DENND4C: variants seen among roughly 807,000 people sequenced by gnomAD.
DENND4C encodes DENN domain-containing protein 4C.
In DENND4C, 108 loss-of-function variants were observed where a neutral mutation model predicts 203.0. The ratio of observed to expected loss-of-function variants is 0.53; its 90% CI spans 0.46 to 0.62. DENND4C has a LOEUF of 0.62. Among genes scored for constraint, DENND4C ranks in the 20% least tolerant of loss-of-function variants. DENND4C has a pLI of 0.00. For missense variants in DENND4C, 2,481 were observed against 2,301.2 expected (o/e 1.08, Z -1.60); for synonymous variants, 871 against 792.4 (o/e 1.10, Z -1.67).
chr9:19,345,545 T>C (rs2131991960), intron 22 of DENND4C, among the ~76,000 whole-genome samples: 1 of 152,378 alleles, frequency 6.6e-6, no homozygotes, highest in South Asian at 2.1e-4. Flanking sequence ...AATTTGCTTT[T>C]TGCAGAGTAG....
rs780041574 is a variant in DENND4C, at chr9:19,296,117, C to T, written c.911C>T (p.Ser304Phe). 4.3e-6 allele frequency: 7 copies of T among 1,613,952 alleles called. No homozygotes were observed. Among genetic ancestry groups the T allele is most frequent in the Non-Finnish European group, 4.2e-6 (5 of 1,179,960 alleles). ...ACGCCTGTGGAGAGAAAAATGGTCT[C>T]CAAATCCATCAATACAAACAAATGC... ...LLTPVERKMV[S>F]KSINTNKCIC... The change falls in exon 6 of 33, where the codon TCC (serine) becomes TTC (phenylalanine). Residue 304 changes from serine to phenylalanine, a missense_variant. Physicochemically the swap from Ser to Phe is radical, Grantham distance 155. Transcript: ENST00000434457.
At chr9:19,323,784 T>C (rs1843279984) in intron 12 of DENND4C, among the ~76,000 whole-genome samples, 1 of 152,214 alleles carries the variant, frequency 6.6e-6, no homozygotes, top group Non-Finnish European at 1.5e-5. Context: ...GTTGTAGAGC[T>C]GGAGGTTCCT....
In DENND4C at chr9:19,328,109, A is replaced by C. The variant is rs780437786; in HGVS notation, c.2200A>C (p.Thr734Pro). 3.1e-6 allele frequency: 5 copies of C among 1,613,764 alleles called. No individual in the cohort carries two copies. The Admixed American group carries it at 8.3e-5, about 27-fold the overall frequency. ...GAAACTTTGTTTTAGTAGACACCCT[A>C]CTGGGAATAGCATTACAAAGAGTCC... is the stretch of plus-strand genomic sequence containing the variant. ...ELKLCFSRHP[T>P]GNSITKSPPL... Residue 734 changes from threonine to proline, a missense_variant, in exon 16 of 33, where the codon ACT (threonine) becomes CCT (proline). By Grantham distance (38) the Thr-to-Pro change is conservative (BLOSUM62 -1). Coordinates refer to ENST00000434457, the MANE Select transcript of DENND4C (RefSeq NM_001330640.2).
intron 23 of DENND4C, 71 bp downstream of exon 23, chr9:19,347,157 AT>A (rs1188023415): frequency 5.7e-6 from 8 of 1,404,700 alleles, no homozygotes; most frequent in Non-Finnish European, 7.7e-6. Context: ...AAATATATGT[AT>A]TCTTGTTCAG....
At chr9:19,363,533 A>T (rs548569151) in intron 30 of DENND4C, among the ~76,000 whole-genome samples, 1 of 151,002 alleles carries the variant, frequency 6.6e-6, no homozygotes, top group South Asian at 2.1e-4. Flanking sequence ...TTAGTGCCCC[A>T]CTCTTATGTC....
At chr9:19,364,947 G>A (rs540618325) in intron 30 of DENND4C, among the ~76,000 whole-genome samples, 1 of 152,238 alleles carries the variant, frequency 6.6e-6, no homozygotes, top group African/African-American at 2.4e-5. Context: ...GGAGAGGCAG[G>A]TCATAAGAAT....
chr9:19,269,162 T>C (rs1831117232), intron 1 of DENND4C, among the ~76,000 whole-genome samples: 1 of 152,096 alleles, frequency 6.6e-6, no homozygotes, highest in Non-Finnish European at 1.5e-5. Flanking sequence ...TTTCCTTTCT[T>C]TCTTTCTTTT....
At chr9:19,252,853 A>G (rs1826989923) in intron 1 of DENND4C, among the ~76,000 whole-genome samples, 1 of 152,050 alleles carries the variant, frequency 6.6e-6, no homozygotes, top group Non-Finnish European at 1.5e-5. Context: ...CTCATGCCTC[A>G]GCCTTCCAAG....
At chr9:19,265,978 G>A (rs1174894956) in intron 1 of DENND4C, among the ~76,000 whole-genome samples, 1 of 152,124 alleles carries the variant, frequency 6.6e-6, no homozygotes, top group East Asian at 1.9e-4. Flanking sequence ...CCCAGTAATG[G>A]GATGGCTGGG....
At chr9:19,279,851 A>AT (rs1185580159) in intron 2 of DENND4C, among the ~76,000 whole-genome samples, 4 of 151,802 alleles carry the variant, frequency 2.6e-5, no homozygotes, top group African/African-American at 4.8e-5. Flanking sequence ...AGAAAAAAAA[A>AT]TCTATTTTTA....
chr9:19,325,145 G>C (rs538920485), intron 13 of DENND4C, among the ~76,000 whole-genome samples: 4 of 151,958 alleles, frequency 2.6e-5, no homozygotes, highest in Non-Finnish European at 5.9e-5. Flanking sequence ...TTAAGATTTA[G>C]GTTTTTTAAT....
At position 19,312,956 on chromosome 9, in the gene DENND4C, C is replaced by CT. The variant is rs1264021515; in HGVS notation, c.1488-3460dup. On this transcript the variant is annotated intron_variant, in intron 10 of 32. Transcript: ENST00000434457. ...ATATAACTGGCATTAAAAATCCAAT[C>CT]TAACATTTGTCTTTTTATTGAAGAG... is the stretch of plus-strand genomic sequence containing the variant. 2.0e-5 allele frequency among the ~76,000 whole-genome samples: 3 copies of CT among 152,120 alleles called. No homozygotes were observed. In the East Asian group the frequency reaches 5.8e-4, roughly 29 times the overall value.
At chr9:19,311,165 G>T (rs529589231) in intron 10 of DENND4C, among the ~76,000 whole-genome samples, 1 of 151,962 alleles carries the variant, frequency 6.6e-6, no homozygotes, top group East Asian at 1.9e-4. Flanking sequence ...TGTCTCCCAC[G>T]CTGGATGGAG....
At chr9:19,243,312 G>GTA (rs1237736700) in intron 1 of DENND4C, among the ~76,000 whole-genome samples, 2 of 152,158 alleles carry the variant, frequency 1.3e-5, no homozygotes, top group Admixed American at 1.3e-4. Flanking sequence ...CTATGTTGTA[G>GTA]TATGTATCAC....
chr9:19,321,401 A>G (rs1842848739), intron 12 of DENND4C, among the ~76,000 whole-genome samples: 1 of 152,170 alleles, frequency 6.6e-6, no homozygotes, highest in Non-Finnish European at 1.5e-5. Flanking sequence ...GCCTTTAACA[A>G]CCAAGTGAAT....
chr9:19,256,598 A>C (rs1184016744), intron 1 of DENND4C, among the ~76,000 whole-genome samples: 1 of 151,546 alleles, frequency 6.6e-6, no homozygotes, highest in Non-Finnish European at 1.5e-5. Flanking sequence ...TACAGGCGAG[A>C]GCCACCACGC....
intron 1 of DENND4C, among the ~76,000 whole-genome samples, chr9:19,258,266 T>C (rs1828484341): frequency 1.3e-5 from 2 of 152,210 alleles, no homozygotes; most frequent in Admixed American, 6.5e-5. Flanking sequence ...AGGCAAATTC[T>C]ATCAGACGTT....
At chr9:19,363,055 C>A (rs973526130) in intron 30 of DENND4C, among the ~76,000 whole-genome samples, 3 of 152,190 alleles carry the variant, frequency 2.0e-5, no homozygotes, top group Admixed American at 2.0e-4. Flanking sequence ...AGTCTAAAAT[C>A]TAGAAAGGGA....
At chr9:19,245,842 C>T (rs1455286350) in intron 1 of DENND4C, among the ~76,000 whole-genome samples, 1 of 137,900 alleles carries the variant, frequency 7.3e-6, no homozygotes, top group Non-Finnish European at 1.6e-5. Flanking sequence ...GACGACAGAG[C>T]GAGACTCCGT....
Sources: gnomAD v4.1 joint callset for allele counts (sites outside exome capture counted in the v4.1 genomes callset) on GRCh38, gnomAD v4.1.1 for gene constraint, MANE v1.5 for transcripts, NCBI Gene and HGNC (gene_info 2026-07-23, HGNC 2026-07-21) for gene names.